Variants in ANKDD1A observed in about 807,000 individuals in gnomAD.
ANKDD1A encodes ankyrin repeat and death domain-containing protein 1A.
In ANKDD1A, 59 loss-of-function variants were observed where a neutral mutation model predicts 63.5. That is an observed-to-expected ratio of 0.93 (90% CI 0.75 to 1.15). The LOEUF is 1.15. Among genes scored for constraint, ANKDD1A ranks in the 50% most tolerant of loss-of-function variants. The pLI, the probability that ANKDD1A is intolerant of heterozygous loss-of-function variation, is 0.00. For synonymous variants in ANKDD1A, 266 were observed against 263.9 expected, an observed-to-expected ratio of 1.01 and a Z score of -0.08; for missense variants, 632 against 656.4, an observed-to-expected ratio of 0.96 and a Z score of 0.41.
chr15:64,950,805 T>C, intron 14 of ANKDD1A: 3 of 1,027,650 alleles, frequency 2.9e-6, no homozygotes, highest in Non-Finnish European at 2.3e-6. Context: ...GTAGAGAGAT[T>C]AGGGACGCTA....
intron 1 of ANKDD1A, chr15:64,913,993 C>CTTTTT (rs151279671): frequency 6.9e-6 from 1 of 145,100 alleles, no homozygotes; most frequent in South Asian, 2.1e-4. Flanking sequence ...TTTCTGTTTT[C>CTTTTT]TTTTTTTTTT....
At chr15:64,953,666 T>TCCTTCTTCCTTTTCC (rs1195780734) in intron 14 of ANKDD1A, among the ~76,000 whole-genome samples, 2 of 58,040 alleles carry the variant, frequency 3.4e-5, no homozygotes, top group African/African-American at 9.8e-5. Flanking sequence ...CTTTTCTTTC[T>TCCTTCTTCCTTTTCC]TCTCCTTCTT....
At chr15:64,953,716 T>TC (rs2085356852) in intron 14 of ANKDD1A, among the ~76,000 whole-genome samples, 1 of 21,554 alleles carries the variant, frequency 4.6e-5, no homozygotes, top group African/African-American at 7.3e-5. Flanking sequence ...TTCTCCTTGT[T>TC]CTTCTCCTTC....
intron 1 of ANKDD1A, among the ~76,000 whole-genome samples, chr15:64,915,341 G>C (rs1175234709): frequency 1.3e-5 from 2 of 152,164 alleles, no homozygotes; most frequent in Non-Finnish European, 2.9e-5. Context: ...GCAGGAGTGG[G>C]GTAAACATGC....
intron 14 of ANKDD1A, among the ~76,000 whole-genome samples, chr15:64,954,354 TCTTCTTCTC>T: frequency 8.0e-5 from 2 of 24,890 alleles, no homozygotes; most frequent in African/African-American, 2.7e-4. Flanking sequence ...CTCCTTCTTC[TCTTCTTCTC>T]CTTCTTCTTC....
Position 64,926,111 on chromosome 15 carries a change from C to T in ANKDD1A, c.412C>T (p.Pro138Ser), listed in dbSNP as rs1453620802. The T allele has an allele frequency of 1.9e-6, 3 of 1,614,056 alleles. No individual in the cohort carries two copies. Among genetic ancestry groups the T allele is most frequent in the East Asian group, 2.2e-5 (1 of 44,880 alleles). Reference protein sequence around the residue: ...LHCAAQKGHVPVLAFIMEDLE... With the variant: ...LHCAAQKGHVSVLAFIMEDLE... ...CTGCGCAGCCCAAAAAGGCCATGTG[C>T]CTGTGCTGGCGTTCATAATGGAGGA... is the stretch of plus-strand genomic sequence containing the variant. Residue 138 changes from proline (P) to serine (S), a missense_variant, in exon 5 of 15, where the codon CCT becomes TCT. Coordinates refer to ENST00000319580, the MANE Select transcript of ANKDD1A (RefSeq NM_182703.6).
chr15:64,951,554 C>G (rs1283507052), intron 14 of ANKDD1A: 1 of 1,346 alleles, frequency 7.4e-4, no homozygotes, highest in African/African-American at 1.1e-3. Flanking sequence ...TTCTTCTCTT[C>G]TTTCTTTTTC....
At chr15:64,937,580 T>C (rs1595852877) in intron 9 of ANKDD1A, among the ~76,000 whole-genome samples, 1 of 151,852 alleles carries the variant, frequency 6.6e-6, no homozygotes, top group Non-Finnish European at 1.5e-5. Context: ...TACAAAAAAT[T>C]AGCCAGGTGT....
rs1595860519 is a variant in ANKDD1A at position 64,953,738 on chromosome 15, CTT to C, written c.1484-3364_1484-3363del. 7.8e-5 allele frequency among the ~76,000 whole-genome samples: 9 copies of C among 116,094 alleles called. No homozygotes were observed. In the East Asian group the frequency reaches 7.8e-4, roughly 10 times the overall value. 76.2% of individuals were successfully genotyped at this position (116,094 alleles called of 152,430 possible). On this transcript the variant is annotated intron_variant, in intron 14 of 14. Transcript: ENST00000319580. Reference sequence around the variant, plus strand: ...TGTTCTTCTCCTTCTTCTCCTCCTTCTTCTTTCCTCTTTTCTTCGTTCTTCTT... The same window carrying C: ...TGTTCTTCTCCTTCTTCTCCTCCTTCCTTTCCTCTTTTCTTCGTTCTTCTT...
At chr15:64,951,615 A>T (rs1595858467) in intron 14 of ANKDD1A, among the ~76,000 whole-genome samples, 80 of 30,252 alleles carry the variant, frequency 2.6e-3, no homozygotes, top group East Asian at 3.8e-3. Flanking sequence ...CTTGTTCCTT[A>T]TTCTTCTTCT....
intron 14 of ANKDD1A, among the ~76,000 whole-genome samples, chr15:64,954,488 CTTCTCCTTCTTCT>C (rs1249160666): frequency 7.3e-6 from 1 of 136,284 alleles, no homozygotes; most frequent in Non-Finnish European, 1.5e-5. Context: ...TTTCTTCTTC[CTTCTCCTTCTTCT>C]TCCTTCTTCT....
chr15:64,953,940 TCC>T (rs2085366696), intron 14 of ANKDD1A, among the ~76,000 whole-genome samples: 68 of 108,432 alleles, frequency 6.3e-4, no homozygotes, highest in South Asian at 3.2e-3. Flanking sequence ...TTTCTTTTCT[TCC>T]TCTTCTTCTA....
At chr15:64,916,311 A>G (rs534893020) in intron 2 of ANKDD1A, among the ~76,000 whole-genome samples, 67 of 151,454 alleles carry the variant, frequency 4.4e-4, no homozygotes, top group African/African-American at 1.6e-3. Flanking sequence ...GAGCGTGTGC[A>G]GGAGGGTCGG....
chr15:64,952,946 CTTCT>C (rs1270186533), intron 14 of ANKDD1A, among the ~76,000 whole-genome samples: 2 of 52,078 alleles, frequency 3.8e-5, no homozygotes, highest in East Asian at 1.1e-3. Flanking sequence ...CCTCTTCTTC[CTTCT>C]CTTTCTTCCT....
chr15:64,915,043 G>GC (rs751210310), intron 1 of ANKDD1A, among the ~76,000 whole-genome samples: 22 of 152,160 alleles, frequency 1.4e-4, no homozygotes, highest in Non-Finnish European at 3.1e-4. Flanking sequence ...TGTGGCTCAC[G>GC]CCCGTAATCC....
At position 64,916,869 on chromosome 15, in the gene ANKDD1A, A is replaced by G. The variant is rs116573837; in HGVS notation, c.139-517A>G. Reference sequence around the variant, plus strand: ...CCCTCAGGCCTATTTGGATAACGTTATGAACTGCCAAGGTGGTCTGAGAAT... The same window carrying G: ...CCCTCAGGCCTATTTGGATAACGTTGTGAACTGCCAAGGTGGTCTGAGAAT... On this transcript the variant is annotated intron_variant, in intron 2 of 14. Transcript: ENST00000319580. Among the ~76,000 whole-genome samples the G allele has an allele frequency of 4.4e-3, 677 of 152,214 alleles. 7 individuals are homozygous for G. The highest frequency in any genetic ancestry group is 0.015 in the African/African-American group (641 of 41,484).
At chr15:64,925,958 G>T in intron 4 of ANKDD1A, 108 bp from the exon 5 acceptor site, 2 of 928,714 alleles carry the variant, frequency 2.2e-6, no homozygotes, top group South Asian at 3.0e-5. Context: ...TTGTATCCAT[G>T]GGGAGGCTGT....
chr15:64,912,159 G>A (rs2084936321), intron 1 of ANKDD1A, among the ~76,000 whole-genome samples, 195 bp downstream of exon 1: 1 of 152,142 alleles, frequency 6.6e-6, no homozygotes, highest in South Asian at 2.1e-4. Flanking sequence ...TCTGGGACTC[G>A]GGGACCACAC....
chr15:64,926,188 C>G lies in ANKDD1A; in HGVS notation c.471+18C>G. 3.1e-6 allele frequency: 5 copies of G among 1,610,796 alleles called. No individual in the cohort carries two copies. The South Asian group carries it at 5.5e-5, about 18-fold the overall frequency. On this transcript the variant is annotated intron_variant, in intron 5 of 14. Coordinates refer to ENST00000319580, the MANE Select transcript of ANKDD1A (RefSeq NM_182703.6). Reference sequence around the variant, plus strand: ...TAGACAAGGTGAGAGTGCCTCAGGGCTACTCATCATTCCCATTGGGCGGGG... The same window carrying G: ...TAGACAAGGTGAGAGTGCCTCAGGGGTACTCATCATTCCCATTGGGCGGGG...
Sources: allele counts gnomAD v4.1 joint callset (sites outside exome capture counted in the v4.1 genomes callset), GRCh38; gene constraint gnomAD v4.1.1; transcripts MANE v1.5; gene names NCBI Gene and HGNC (gene_info 2026-07-23, HGNC 2026-07-21).